Variants in SEMA4G observed in about 807,000 individuals in gnomAD.
SEMA4G encodes semaphorin-4G.
SEMA4G carries 59 observed loss-of-function variants against 81.2 expected under a neutral mutation model. The observed-to-expected ratio is 0.73, with a 90% CI of 0.59 to 0.90. The LOEUF is 0.90. Among genes scored for constraint, SEMA4G ranks in the 40% least tolerant of loss-of-function variants. SEMA4G has a pLI of 0.00. For missense variants in SEMA4G, 952 were observed against 1,102.3 expected (o/e 0.86, Z 1.93); for synonymous variants, 404 against 433.9 (o/e 0.93, Z 0.86).
chr10:100,970,876 T>C (rs1186883221), upstream of SEMA4G, among the ~76,000 whole-genome samples: 4 of 152,198 alleles, frequency 2.6e-5, no homozygotes, highest in East Asian at 7.7e-4. Context: ...AGGACCCTCC[T>C]GTTGAATAGG....
Position 100,973,720 on chromosome 10 carries a change from A to C in SEMA4G, c.336+111A>C. ...AGGTACAGACCTGCCAGTCAATCTC[A>C]GCAACCACAGTAAACATTGTAAGTA... On this transcript the variant is annotated intron_variant, in intron 3 of 13. Transcript: ENST00000370250. The surrounding 1 kb of genome is among the most constrained non-coding windows in gnomAD (Gnocchi z 5.5). 2.2e-6 allele frequency: 2 copies of C among 909,862 alleles called. No individual in the cohort carries two copies. Among genetic ancestry groups the C allele is most frequent in the Non-Finnish European group, 3.4e-6 (2 of 585,136 alleles). 56.4% of individuals were successfully genotyped at this position (909,862 alleles called of 1,614,324 possible).
At chr10:100,982,699 A>G (rs1441448122) in intron 13 of SEMA4G, among the ~76,000 whole-genome samples, 1 of 152,214 alleles carries the variant, frequency 6.6e-6, no homozygotes, top group African/African-American at 2.4e-5. Flanking sequence ...GCCAGAGGCA[A>G]GATAATCGCG....
chr10:100,983,460 G>A (rs147237913), exon 14 of SEMA4G: 993 of 1,614,120 alleles, frequency 6.2e-4, no homozygotes, highest in Non-Finnish European at 7.8e-4. Context: ...GGGCGTGGAC[G>A]GGCTGCTGGT....
rs146501195 is a variant in SEMA4G at position 100,979,290 on chromosome 10, G to T, written c.983+19G>T. 2.5e-6 allele frequency: 4 copies of T among 1,614,016 alleles called. No homozygotes were observed. The African/African-American group carries it at 5.3e-5, about 22-fold the overall frequency. ...CACAGTGGTCAGTGCAGGGACAATC[G>T]GGAGGCAAGAAACTGCGGACAGCAT... On this transcript the variant is annotated intron_variant, in intron 8 of 13. Coordinates refer to ENST00000370250, the Ensembl canonical transcript of SEMA4G.
At chr10:100,984,894 G>A (rs1166136937), downstream of SEMA4G, 1 of 1,464,720 alleles carries the variant, frequency 6.8e-7, no homozygotes, top group Admixed American at 2.3e-5. Context: ...AAGAGTATGA[G>A]AGACAGAGCT....
chr10:100,976,518 C>T (rs2133866633), intron 3 of SEMA4G, among the ~76,000 whole-genome samples: 1 of 152,234 alleles, frequency 6.6e-6, no homozygotes, highest in East Asian at 1.9e-4. Context: ...GAGATGAGGT[C>T]TTGCTATATT....
chr10:100,978,881 G>C (rs1303651661), exon 7 of SEMA4G: 2 of 1,614,074 alleles, frequency 1.2e-6, no homozygotes, highest in Non-Finnish European at 1.7e-6. Flanking sequence ...CCTCGTGCGG[G>C]AGAGCAAGGC....
intron 7 of SEMA4G, 33 bp from the exon 9 acceptor site, chr10:100,979,069 C>A: frequency 6.2e-7 from 1 of 1,613,138 alleles, no homozygotes; most frequent in South Asian, 1.1e-5. Flanking sequence ...ACCTCTGACC[C>A]TGGCCCCTTA....
At chr10:100,971,135 T>C (rs1299802519), upstream of SEMA4G, among the ~76,000 whole-genome samples, 1 of 144,874 alleles carries the variant, frequency 6.9e-6, no homozygotes, top group South Asian at 2.2e-4. Context: ...TGTGTGTGTG[T>C]GCACCCATGT....
At chr10:100,981,030 G>A in intron 12 of SEMA4G, 33 bp downstream of exon 13, 1 of 1,595,158 alleles carries the variant, frequency 6.3e-7, no homozygotes, top group African/African-American at 1.3e-5. Context: ...AGTCACATGT[G>A]GTCTGAGTGG....
chr10:100,977,582 G>A (rs1239899316), intron 3 of SEMA4G, 50 bp from the exon 5 acceptor site: 1 of 1,436,220 alleles, frequency 7.0e-7, no homozygotes, highest in Non-Finnish European at 9.8e-7. Context: ...TAATGGAGGA[G>A]GCTTCTAGTC....
In SEMA4G at chr10:100,973,285, C is replaced by G; in HGVS notation, c.273+8C>G. The G allele has an allele frequency of 1.2e-6, 2 of 1,611,884 alleles. No homozygotes were observed. The highest frequency in any genetic ancestry group is 1.7e-6 in the Non-Finnish European group (2 of 1,179,996). On this transcript the variant is annotated splice_region_variant and intron_variant, in intron 2 of 13. Transcript: ENST00000370250. The surrounding 1 kb of genome is among the most constrained non-coding windows in gnomAD (Gnocchi z 5.5). ...GATGGGGCTCACAAAGAGGTCAGGC[C>G]CTGGAACCTGGACCACCCAGAGGGT...
At chr10:100,970,362 A>G (rs1423540609), upstream of SEMA4G, among the ~76,000 whole-genome samples, 2 of 149,926 alleles carry the variant, frequency 1.3e-5, no homozygotes, top group Admixed American at 6.6e-5. Context: ...CCCGTCTCCC[A>G]CCTTTAGAAC....
exon 14 of SEMA4G, chr10:100,984,185 G>T: frequency 6.5e-7 from 1 of 1,546,848 alleles, no homozygotes. Context: ...GTCCCAGGCT[G>T]GGCCACTGCC....
At position 100,983,910 on chromosome 10, in the gene SEMA4G, C is replaced by T. The variant is rs781570245; in HGVS notation, c.2296C>T (p.Pro766Ser). The change falls in exon 14 of 14, where the codon CCA becomes TCA. Residue 766 changes from proline (P) to serine (S), a missense_variant. Pro to Ser is a moderately conservative substitution (Grantham distance 74). Around this residue, in one of 3 missense-constraint regions of SEMA4G, gnomAD observed 385 missense variants for 413.5 expected, o/e 0.93. Transcript: ENST00000370250. ...CCCTGGGGAGGGAGCCCCAGCCCCA[C>T]CACCCCCACCGCCCCCACCGCCACC... 2.6e-6 allele frequency: 4 copies of T among 1,521,404 alleles called. No homozygotes were observed. In the Admixed American group the frequency reaches 6.2e-5, roughly 23 times the overall value. The allele number at this position is 1,521,404 out of a possible 1,614,324, so 94.2% of individuals were successfully genotyped here. A position where few individuals can be genotyped will look rare whatever the true frequency, so the allele number is the denominator to read the frequency against.
chr10:100,975,793 G>A (rs1009477027), intron 3 of SEMA4G, among the ~76,000 whole-genome samples: 4 of 152,122 alleles, frequency 2.6e-5, no homozygotes, highest in African/African-American at 7.2e-5. Context: ...CCAGCTACTC[G>A]GGAGGCTGAG....
chr10:100,984,873 T>C, downstream of SEMA4G: 2 of 1,482,144 alleles, frequency 1.3e-6, no homozygotes, highest in African/African-American at 1.4e-5. Flanking sequence ...CCACTCTCCT[T>C]GGTCATTCTC....
At chr10:100,982,062 C>CAAA (rs34646595) in intron 13 of SEMA4G, among the ~76,000 whole-genome samples, 2 of 126,822 alleles carry the variant, frequency 1.6e-5, no homozygotes, top group Non-Finnish European at 1.6e-5. Flanking sequence ...CATCTCATCT[C>CAAA]AAAAAAAAAA....
exon 7 of SEMA4G, chr10:100,978,910 T>C (rs940372860): frequency 2.3e-5 from 37 of 1,614,098 alleles, no homozygotes; most frequent in Non-Finnish European, 3.1e-5. Flanking sequence ...TGGGTGATGA[T>C]GACAAGGTGT....
Sources: gnomAD v4.1 joint callset for allele counts (sites outside exome capture counted in the v4.1 genomes callset) on GRCh38, gnomAD v4.1.1 for gene constraint, gnomAD v4.1.1 regional missense constraint, Gnocchi (gnomAD v3.1) non-coding constraint, MANE v1.5 for transcripts, NCBI Gene and HGNC (gene_info 2026-07-23, HGNC 2026-07-21) for gene names.